The following TNRC6B variants were observed in gnomAD, a reference collection of about 807,000 sequenced individuals.
TNRC6B encodes trinucleotide repeat containing adaptor 6B, also known as trinucleotide repeat-containing gene 6B protein.
A neutral mutation model predicts 203.6 loss-of-function variants in TNRC6B; 52 were observed. That is an observed-to-expected ratio of 0.26 (90% CI 0.20 to 0.32). The LOEUF (loss-of-function observed/expected upper bound fraction) is 0.32, where lower values mean the gene tolerates loss of function less well. Ranked by LOEUF, TNRC6B falls within the 10% of genes least tolerant of loss-of-function variation. The probability of loss-of-function intolerance (pLI) is 1.00; values close to 1 mark genes in which losing one functional copy is unlikely to be tolerated. For missense variants in TNRC6B, 1,923 were observed against 2,286.2 expected (o/e 0.84, Z 3.24); for synonymous variants, 838 against 845.7 (o/e 0.99, Z 0.16).
intron 1 of TNRC6B, among the ~76,000 whole-genome samples, chr22:40,107,997 C>A (rs1385727018): frequency 6.6e-6 from 1 of 151,540 alleles, no homozygotes; most frequent in Non-Finnish European, 1.5e-5. Flanking sequence ...AGCAAACTCA[C>A]ATGATTGTTG....
chr22:40,062,997 TTAACC>T lies in TNRC6B; in HGVS notation c.-121+18003_-121+18007del, dbSNP rs2067866868. Among the ~76,000 whole-genome samples the T allele has an allele frequency of 2.0e-5, 3 of 152,282 alleles. No homozygotes were observed. The South Asian group carries it at 6.2e-4, about 32-fold the overall frequency. ...TTTGGCATATCTATGTAGACTTTGC[TTAACC>T]TAAGGTCACAATGATCTAATTCTAT... is the stretch of plus-strand genomic sequence containing the variant. On this transcript the variant is annotated intron_variant, in intron 1 of 23. Coordinates refer to the TNRC6B transcript ENST00000301923.
intron 1 of TNRC6B, among the ~76,000 whole-genome samples, chr22:40,212,669 A>G (rs2069581005): frequency 6.6e-6 from 1 of 151,688 alleles, no homozygotes; most frequent in African/African-American, 2.4e-5. Context: ...AATTATTTTT[A>G]TTTTTATTTT....
chr22:40,167,731 G>C (rs75141746), intron 4 of TNRC6B, among the ~76,000 whole-genome samples: 2 of 118,468 alleles, frequency 1.7e-5, no homozygotes, highest in South Asian at 5.8e-4. Flanking sequence ...AAAAAAAAAA[G>C]CTGGCCATGG....
chr22:40,045,210 G>A (rs2067676734), intron 1 of TNRC6B, among the ~76,000 whole-genome samples: 1 of 145,252 alleles, frequency 6.9e-6, no homozygotes, highest in South Asian at 2.1e-4. Context: ...GCGCGGGGCT[G>A]GTGCGGCCGG....
intron 1 of TNRC6B, among the ~76,000 whole-genome samples, chr22:40,113,428 C>G (rs1305928026): frequency 6.6e-6 from 1 of 152,170 alleles, no homozygotes; most frequent in African/African-American, 2.4e-5. Context: ...GATCTAGGCT[C>G]ACCGCATCCC....
intron 21 of TNRC6B, among the ~76,000 whole-genome samples, chr22:40,320,858 A>G (rs756921108): frequency 1.3e-5 from 2 of 152,210 alleles, no homozygotes; most frequent in Non-Finnish European, 2.9e-5. Context: ...ACATTCTTAC[A>G]TGGATACCAT....
chr22:40,315,620 G>C, intron 20 of TNRC6B, 113 bp downstream of exon 20: 1 of 1,216,188 alleles, frequency 8.2e-7, no homozygotes, highest in Non-Finnish European at 1.1e-6. Flanking sequence ...ATGGTTGTCT[G>C]CTTTTTCTTC....
rs934453121 is a variant in TNRC6B, at chr22:40,331,627, T to A, written c.*8386T>A. 2.6e-6 allele frequency: 1 copy of A among 378,326 alleles called. No individual in the cohort carries two copies. The highest frequency in any genetic ancestry group is 2.1e-5 in the African/African-American group (1 of 47,482). The allele number at this position is 378,326 out of a possible 1,614,324, so 23.4% of individuals were successfully genotyped here. ...GCAAATGTGAATTTTGATACTGAAT[T>A]TAAGAAGAGGTTGTTGGATTTTTTT... On this transcript the variant is annotated 3_prime_UTR_variant, in exon 23 of 23. Coordinates refer to ENST00000454349, the MANE Select transcript of TNRC6B (RefSeq NM_001162501.2).
rs757746216 is a variant in TNRC6B, at chr22:40,308,516, C to T, written c.4125C>T (p.Phe1375=). 2.5e-6 allele frequency: 4 copies of T among 1,613,846 alleles called. No homozygotes were observed. In the Admixed American group the frequency reaches 5.0e-5, roughly 20 times the overall value. ...ATGTGGTCTTCTCCTTTTTAGGCTTCAGCTCTGGCGGCATGGACTATGGCA... is the reference window on the plus strand; with the variant it reads ...ATGTGGTCTTCTCCTTTTTAGGCTTTAGCTCTGGCGGCATGGACTATGGCA... ...KGPIPGYGSG[F]SSGGMDYGMV... Residue 1375 remains phenylalanine, a synonymous_variant, in exon 16 of 23, where the codon TTC becomes TTT. Coordinates refer to ENST00000454349, the MANE Select transcript of TNRC6B (RefSeq NM_001162501.2).
Position 40,318,379 on chromosome 22 carries a change from T to C in TNRC6B, c.4974+2367T>C, listed in dbSNP as rs777372596. Among the ~76,000 whole-genome samples the C allele has an allele frequency of 4.9e-4, 74 of 151,758 alleles. 1 individual carries two copies. Among genetic ancestry groups the C allele is most frequent in the Middle Eastern group, 3.4e-3 (1 of 294 alleles). On this transcript the variant is annotated intron_variant, in intron 21 of 22. Transcript: ENST00000454349. ...TGGCTAACATGGTGAAACCCCATCT[T>C]TACTAAAAATACAAAAAATTAGCCG...
chr22:40,301,530 A>G (rs967044202), intron 15 of TNRC6B, 197 bp downstream of exon 15: 1 of 602,288 alleles, frequency 1.7e-6, no homozygotes, highest in Non-Finnish European at 2.8e-6. Context: ...CATGGTTACT[A>G]AATAGCAGAG....
intron 1 of TNRC6B, among the ~76,000 whole-genome samples, chr22:40,067,918 G>A (rs2067910211): frequency 6.6e-6 from 1 of 152,088 alleles, no homozygotes; most frequent in African/African-American, 2.4e-5. Flanking sequence ...ACACAGTCAA[G>A]TTGATACCTA....
chr22:40,189,493 C>A (rs1205353327), intron 1 of TNRC6B, among the ~76,000 whole-genome samples: 1 of 114,618 alleles, frequency 8.7e-6, no homozygotes, highest in Admixed American at 7.6e-5. Flanking sequence ...ATAGATTTGT[C>A]TGCCCAAAAA....
intron 1 of TNRC6B, among the ~76,000 whole-genome samples, chr22:40,084,477 C>A (rs970241709): frequency 2.0e-5 from 3 of 152,090 alleles, no homozygotes; most frequent in Non-Finnish European, 4.4e-5. Flanking sequence ...ACTAATTGTG[C>A]CAGAGAGTTT....
chr22:40,316,907 G>A (rs78678967), intron 21 of TNRC6B, among the ~76,000 whole-genome samples: 4 of 152,136 alleles, frequency 2.6e-5, no homozygotes, highest in Admixed American at 6.5e-5. Context: ...CAGATCTTAC[G>A]GGGCAGAGAA....
intron 1 of TNRC6B, among the ~76,000 whole-genome samples, chr22:40,102,267 A>G (rs1360313014): frequency 2.0e-5 from 3 of 152,364 alleles, no homozygotes; most frequent in South Asian, 4.1e-4. Context: ...ATAAATGCAG[A>G]TGAGGCCAAA....
chr22:40,139,095 C>G (rs1039061380), intron 3 of TNRC6B, among the ~76,000 whole-genome samples: 1 of 152,180 alleles, frequency 6.6e-6, no homozygotes, highest in Non-Finnish European at 1.5e-5. Flanking sequence ...AGCAGTCACT[C>G]TCTATTCCCT....
intron 1 of TNRC6B, among the ~76,000 whole-genome samples, chr22:40,063,735 C>T (rs894917170): frequency 6.6e-6 from 1 of 151,720 alleles, no homozygotes. Context: ...CAGGGTCTCA[C>T]TCTGTCACCC....
intron 1 of TNRC6B, among the ~76,000 whole-genome samples, chr22:40,239,864 G>A (rs1315186770): frequency 1.3e-5 from 2 of 151,970 alleles, no homozygotes; most frequent in African/African-American, 4.8e-5. Context: ...TTGAGACCGA[G>A]TCTCGCTTTG....
Sources: allele counts gnomAD v4.1 joint callset (sites outside exome capture counted in the v4.1 genomes callset), GRCh38; gene constraint gnomAD v4.1.1; transcripts MANE v1.5; gene names NCBI Gene and HGNC (gene_info 2026-07-23, HGNC 2026-07-21).